The following EPB41L2 variants were observed in gnomAD, a reference collection of about 807,000 sequenced individuals.
The protein encoded by EPB41L2 is erythrocyte membrane protein band 4.1 like 2.
Under a neutral mutation model 113.0 loss-of-function variants are expected in EPB41L2, and 43 were observed. That is an observed-to-expected ratio of 0.38 (90% CI 0.30 to 0.49). The LOEUF is 0.49. Ranked by LOEUF, EPB41L2 falls within the 20% of genes least tolerant of loss-of-function variation. The probability of loss-of-function intolerance (pLI) is 0.95; values close to 1 mark genes in which losing one functional copy is unlikely to be tolerated. For synonymous variants in EPB41L2, 442 were observed against 436.7 expected (o/e 1.01, Z -0.15); for missense variants, 1,147 against 1,223.4 (o/e 0.94, Z 0.93).
At chr6:130,985,223 C>A (rs1349406658) in intron 1 of EPB41L2, among the ~76,000 whole-genome samples, 2 of 152,122 alleles carry the variant, frequency 1.3e-5, no homozygotes, top group Non-Finnish European at 1.5e-5. Flanking sequence ...TGAATGTTGT[C>A]TTTTCCAATA....
At chr6:130,962,889 G>A (rs879280907) in intron 1 of EPB41L2, among the ~76,000 whole-genome samples, 7 of 152,122 alleles carry the variant, frequency 4.6e-5, no homozygotes, top group African/African-American at 1.4e-4. Context: ...CCCTTGGCAA[G>A]AAAATATGCA....
At chr6:131,059,260 G>C (rs184086072) in intron 1 of EPB41L2, among the ~76,000 whole-genome samples, 1 of 152,086 alleles carries the variant, frequency 6.6e-6, no homozygotes, top group Non-Finnish European at 1.5e-5. Context: ...GACTACAGAT[G>C]CCTGCCACCA....
intron 9 of EPB41L2, among the ~76,000 whole-genome samples, 180 bp from the exon 10 acceptor site, chr6:130,894,621 C>T (rs2128486620): frequency 6.6e-6 from 1 of 152,234 alleles, no homozygotes; most frequent in Admixed American, 6.5e-5. Flanking sequence ...CTATTTTCTA[C>T]AAAAAGCAAG....
At chr6:131,040,018 T>G (rs927338953) in intron 1 of EPB41L2, among the ~76,000 whole-genome samples, 2 of 152,120 alleles carry the variant, frequency 1.3e-5, no homozygotes, top group South Asian at 4.1e-4. Flanking sequence ...CTAATGAAAT[T>G]GAAGAAATAA....
intron 1 of EPB41L2, among the ~76,000 whole-genome samples, chr6:130,993,687 G>GC (rs35314310): frequency 0.15 from 22,713 of 152,138 alleles, 2,316 homozygotes; most frequent in East Asian, 0.43. Flanking sequence ...CCGGCTGCTG[G>GC]CGCAAGTGAC....
At chr6:130,885,917 C>CA (rs1790800856) in intron 11 of EPB41L2, among the ~76,000 whole-genome samples, 1 of 152,186 alleles carries the variant, frequency 6.6e-6, no homozygotes, top group South Asian at 2.1e-4. Context: ...ACCTGGCCCT[C>CA]ATGTGCTCTC....
At chr6:131,054,631 C>T (rs1395201657) in intron 1 of EPB41L2, among the ~76,000 whole-genome samples, 1 of 152,206 alleles carries the variant, frequency 6.6e-6, no homozygotes, top group African/African-American at 2.4e-5. Flanking sequence ...TGGCACATTG[C>T]CACAGTTACT....
Position 130,955,985 on chromosome 6 carries a change from C to T in EPB41L2, c.492+9G>A, listed in dbSNP as rs1208924887. 6.3e-7 allele frequency: 1 copy of T among 1,599,704 alleles called. No individual in the cohort carries two copies. Among genetic ancestry groups the T allele is most frequent in the Non-Finnish European group, 8.5e-7 (1 of 1,175,382 alleles). On this transcript the variant is annotated intron_variant, in intron 2 of 19. Transcript: ENST00000337057. The stretch of plus-strand genomic sequence containing the variant: ...GTTTTCATTTCCAGGCAATTATTCC[C>T]AAACATACCTGCATCTCCACTTTGC...
chr6:130,861,902 T>C (rs1782235014), intron 18 of EPB41L2, among the ~76,000 whole-genome samples: 1 of 148,096 alleles, frequency 6.8e-6, no homozygotes, highest in African/African-American at 2.5e-5. Flanking sequence ...TTATGCTATC[T>C]CACAAACATA....
intron 1 of EPB41L2, among the ~76,000 whole-genome samples, chr6:131,059,684 G>T (rs1452010387): frequency 6.6e-6 from 1 of 152,208 alleles, no homozygotes; most frequent in Non-Finnish European, 1.5e-5. Flanking sequence ...GAGAGGAAGA[G>T]ACTAGGGCTA....
At chr6:130,862,192 AATT>A (rs1283258654) in intron 18 of EPB41L2, among the ~76,000 whole-genome samples, 1 of 152,186 alleles carries the variant, frequency 6.6e-6, no homozygotes, top group African/African-American at 2.4e-5. Context: ...TTTATAACAA[AATT>A]ATTTTGGCTT....
intron 4 of EPB41L2, among the ~76,000 whole-genome samples, chr6:130,917,575 T>C (rs906452108): frequency 1.3e-5 from 2 of 151,610 alleles, no homozygotes; most frequent in Admixed American, 1.3e-4. Flanking sequence ...GTTTCCCATC[T>C]ACTAACCCCC....
intron 6 of EPB41L2, among the ~76,000 whole-genome samples, chr6:130,902,120 A>G (rs969594442): frequency 6.6e-6 from 1 of 152,238 alleles, no homozygotes; most frequent in African/African-American, 2.4e-5. Flanking sequence ...TATGGTCACC[A>G]TGGATCCTCC....
intron 3 of EPB41L2, among the ~76,000 whole-genome samples, chr6:130,929,755 T>C (rs1376746145): frequency 6.6e-6 from 1 of 151,912 alleles, no homozygotes; most frequent in Non-Finnish European, 1.5e-5. Flanking sequence ...CAAGATAGCC[T>C]GATACAAGAG....
intron 1 of EPB41L2, among the ~76,000 whole-genome samples, chr6:130,979,825 G>A (rs767024950): frequency 6.6e-6 from 1 of 152,184 alleles, no homozygotes; most frequent in East Asian, 1.9e-4. Context: ...TCCGAAGATG[G>A]TTGAAGGTAT....
At chr6:130,877,345 G>A (rs755444694) in intron 14 of EPB41L2, among the ~76,000 whole-genome samples, 6 of 152,074 alleles carry the variant, frequency 3.9e-5, no homozygotes, top group African/African-American at 7.2e-5. Flanking sequence ...ATCACTGTCC[G>A]CTCAAGTATG....
intron 3 of EPB41L2, among the ~76,000 whole-genome samples, chr6:130,944,383 TC>T (rs2128594023): frequency 6.6e-6 from 1 of 152,326 alleles, no homozygotes; most frequent in East Asian, 1.9e-4. Context: ...GGCAAAGTCC[TC>T]CGTTAAGACT....
At position 130,953,359 on chromosome 6, in the gene EPB41L2, T is replaced by C. The variant is rs78496234; in HGVS notation, c.705+1746A>G. Among the ~76,000 whole-genome samples, 251 of 152,164 alleles carry C rather than the reference T, an allele frequency of 1.6e-3. 5 individuals carry two copies. In the East Asian group the frequency reaches 0.043, roughly 26 times the overall value. On this transcript the variant is annotated intron_variant, in intron 3 of 19. Coordinates refer to ENST00000337057, the MANE Select transcript of EPB41L2 (RefSeq NM_001431.4). Reference sequence around the variant, plus strand: ...GAAAAGAAAGCTTTAAGGACTGCCATGGTCTCAATGCTTCCCTCCAAAATT... The same window carrying C: ...GAAAAGAAAGCTTTAAGGACTGCCACGGTCTCAATGCTTCCCTCCAAAATT...
chr6:130,917,774 A>C (rs73617138), intron 4 of EPB41L2, among the ~76,000 whole-genome samples: 2,690 of 152,190 alleles, frequency 0.018, 88 homozygotes, highest in African/African-American at 0.059. Flanking sequence ...CTTTCCCCCC[A>C]AAAAAATCTA....
Sources: gnomAD v4.1 joint callset for allele counts (sites outside exome capture counted in the v4.1 genomes callset) on GRCh38, gnomAD v4.1.1 for gene constraint, MANE v1.5 for transcripts, NCBI Gene and HGNC (gene_info 2026-07-23, HGNC 2026-07-21) for gene names.